Variants in LAMB1 observed in about 807,000 individuals in gnomAD.
LAMB1 encodes the protein laminin subunit beta-1.
In LAMB1, 121 loss-of-function variants were observed where a neutral mutation model predicts 222.3. The ratio of observed to expected loss-of-function variants is 0.54; its 90% confidence interval spans 0.47 to 0.63. The LOEUF (loss-of-function observed/expected upper bound fraction) is 0.63. Ranked by LOEUF, LAMB1 falls within the 30% of genes least tolerant of loss-of-function variation. LAMB1 has a pLI of 0.00. For synonymous variants in LAMB1, 794 were observed against 807.2 expected (o/e 0.98, Z 0.28); for missense variants, 2,172 against 2,240.8 (o/e 0.97, Z 0.62).
chr7:107,963,996 C>T (rs1431725696), intron 14 of LAMB1, among the ~76,000 whole-genome samples: 1 of 152,204 alleles, frequency 6.6e-6, no homozygotes, highest in African/African-American at 2.4e-5. Flanking sequence ...ACTCGGGAAG[C>T]TGAAGCAGGA....
chr7:107,987,969 G>A (rs75521205), intron 5 of LAMB1, among the ~76,000 whole-genome samples: 5,582 of 152,262 alleles, frequency 0.037, 122 homozygotes, highest in African/African-American at 0.039. Context: ...CAAATGAAAT[G>A]ATCAGATTGC....
chr7:107,949,131 G>T (rs926202280), intron 24 of LAMB1, among the ~76,000 whole-genome samples: 3 of 152,160 alleles, frequency 2.0e-5, no homozygotes, highest in African/African-American at 7.2e-5. Flanking sequence ...CTCACTCTTT[G>T]CAGAGTTTCT....
chr7:107,998,079 G>A (rs932205932), intron 4 of LAMB1, among the ~76,000 whole-genome samples: 19 of 152,084 alleles, frequency 1.2e-4, no homozygotes, highest in Non-Finnish European at 2.1e-4. Context: ...GACAGCCCCC[G>A]GCACACAAGT....
Position 108,002,914 on chromosome 7 carries a change from G to A in LAMB1, c.-29C>T, listed in dbSNP as rs1402391899. The A allele has an allele frequency of 1.2e-6, 2 of 1,613,212 alleles. No homozygotes were observed. The highest frequency in any genetic ancestry group is 3.3e-5 in the Admixed American group (2 of 59,998). ...GGCTCCCTGCAGCCACGGGGACGCGGCAGAGGAGTGGAGAAGACGCCCGCC... is the reference window on the plus strand; with the variant it reads ...GGCTCCCTGCAGCCACGGGGACGCGACAGAGGAGTGGAGAAGACGCCCGCC... On this transcript the variant is annotated 5_prime_UTR_variant, in exon 2 of 34. Coordinates refer to ENST00000222399, the MANE Select transcript of LAMB1 (RefSeq NM_002291.3).
At chr7:107,932,511 G>A (rs1407491159) in intron 27 of LAMB1, 134 bp from the exon 28 acceptor site, 1 of 764,016 alleles carries the variant, frequency 1.3e-6, no homozygotes, top group Admixed American at 2.1e-5. Flanking sequence ...ACAGTGTTTG[G>A]GAGACAGAAT....
chr7:107,943,876 G>T (rs936619162), intron 24 of LAMB1, among the ~76,000 whole-genome samples: 1 of 152,200 alleles, frequency 6.6e-6, no homozygotes, highest in African/African-American at 2.4e-5. Flanking sequence ...TTCAAAAGGT[G>T]GAGCTGGAGC....
At chr7:107,978,253 C>A (rs192358205) in intron 8 of LAMB1, 86 bp from the exon 9 acceptor site, 1 of 1,445,064 alleles carries the variant, frequency 6.9e-7, no homozygotes, top group Admixed American at 1.9e-5. Flanking sequence ...AGTTTAAAAC[C>A]CTTTTTCATA....
At position 107,986,025 on chromosome 7, in the gene LAMB1, G is replaced by A. The variant is rs2034069900; in HGVS notation, c.673C>T (p.Gln225Ter). 7 of 1,599,450 alleles carry A rather than the reference G, an allele frequency of 4.4e-6. No individual in the cohort carries two copies. Among genetic ancestry groups the A allele is most frequent in the Non-Finnish European group, 4.3e-6 (5 of 1,166,750 alleles). The change falls in exon 7 of 34, where the codon CAG becomes TAG. Residue 225 changes from glutamine to a stop codon, truncating the protein, a stop_gained. Transcript: ENST00000222399. LOFTEE classifies it high-confidence loss of function. ...TTTTGTTTGAAAATGAACTTACTCT[G>A]TATCCTTGGGCTATAAGGATCTTCT... ...KIEDPYSPRI[Q>*]NLLKITNLRI...
intron 9 of LAMB1, among the ~76,000 whole-genome samples, chr7:107,976,299 C>A (rs527580621): frequency 6.6e-6 from 1 of 152,240 alleles, no homozygotes; most frequent in East Asian, 1.9e-4. Flanking sequence ...TGTCCACGGG[C>A]TCCCTGCTTC....
chr7:107,929,730 A>T, intron 29 of LAMB1, 111 bp from the exon 30 acceptor site: 1 of 787,640 alleles, frequency 1.3e-6, no homozygotes, highest in Non-Finnish European at 2.1e-6. Context: ...TTACACACCA[A>T]GAGACACTAA....
chr7:107,927,383 C>T (rs1168161293), intron 31 of LAMB1, among the ~76,000 whole-genome samples: 1 of 151,258 alleles, frequency 6.6e-6, no homozygotes, highest in African/African-American at 2.4e-5. Flanking sequence ...CAATTATTAA[C>T]TTGCATCATC....
At chr7:107,987,295 G>C (rs1175041119) in intron 5 of LAMB1, among the ~76,000 whole-genome samples, 1 of 152,150 alleles carries the variant, frequency 6.6e-6, no homozygotes, top group Non-Finnish European at 1.5e-5. Context: ...CCAGGGGCTG[G>C]GCAGAGGGAC....
At chr7:107,943,861 T>TA (rs1233262853) in intron 24 of LAMB1, among the ~76,000 whole-genome samples, 2 of 152,166 alleles carry the variant, frequency 1.3e-5, no homozygotes, top group Non-Finnish European at 2.9e-5. Flanking sequence ...GAGAAAGAGA[T>TA]ACCCTTCAAA....
chr7:107,978,591 C>T (rs1349767282), intron 8 of LAMB1, among the ~76,000 whole-genome samples: 2 of 152,048 alleles, frequency 1.3e-5, no homozygotes, highest in Non-Finnish European at 2.9e-5. Context: ...GCACGATTTA[C>T]CACTTAGCCA....
chr7:107,964,598 G>A lies in LAMB1; in HGVS notation c.1652C>T (p.Thr551Ile). 6.2e-7 allele frequency: 1 copy of A among 1,614,160 alleles called. No individual in the cohort carries two copies. The highest frequency in any genetic ancestry group is 8.5e-7 in the Non-Finnish European group (1 of 1,180,038). ...NEVEPGYYFA[T>I]LDHYLYEAEE... ...CGCTTCATAGAGGTAGTGATCCAGG[G>A]TGGCAAAGTAGTAACCAGGTTCCAC... The change falls in exon 14 of 34, where the codon ACC becomes ATC. Residue 551 changes from threonine (T) to isoleucine (I), a missense_variant. Transcript: ENST00000222399.
intron 17 of LAMB1, 129 bp downstream of exon 17, chr7:107,961,077 G>T: frequency 2.0e-6 from 2 of 1,004,060 alleles, no homozygotes; most frequent in Non-Finnish European, 2.9e-6. Context: ...CAAAGTAACC[G>T]TGGAGGCAAG....
rs79493403 is a variant in LAMB1 at position 107,925,542 on chromosome 7, A to G, written c.5064+641T>C. Among the ~76,000 whole-genome samples the G allele has an allele frequency of 3.1e-3, 470 of 152,218 alleles. 17 individuals carry two copies. In the East Asian group the frequency reaches 0.078, roughly 25 times the overall value. The stretch of plus-strand genomic sequence containing the variant: ...AAAAAAGTTGGGGACCAGTGATTCA[A>G]TGGTTTTAAGCCCCACCCCGGCGCC... On this transcript the variant is annotated intron_variant, in intron 32 of 33. Coordinates refer to ENST00000222399, the MANE Select transcript of LAMB1 (RefSeq NM_002291.3).
intron 9 of LAMB1, among the ~76,000 whole-genome samples, chr7:107,977,706 G>C (rs1470646463): frequency 1.3e-5 from 2 of 152,112 alleles, no homozygotes; most frequent in Non-Finnish European, 2.9e-5. Flanking sequence ...TTGAACCTGG[G>C]AGGCAGAGGT....
chr7:107,986,289 G>C lies in LAMB1; in HGVS notation c.498C>G (p.Phe166Leu), dbSNP rs766542299. The C allele has an allele frequency of 3.7e-6, 6 of 1,614,050 alleles. No individual in the cohort carries two copies. The South Asian group carries it at 5.5e-5, about 15-fold the overall frequency. The change falls in exon 6 of 34, where the codon TTC becomes TTG. Residue 166 changes from phenylalanine (F) to leucine (L), a missense_variant. Coordinates refer to ENST00000222399, the MANE Select transcript of LAMB1 (RefSeq NM_002291.3). ...GAAACGAGGCCTCACAGTCATAGGC[G>C]AAGTATCTATACACACCCCAGGTTT... ...FGKTWGVYRY[F>L]AYDCEASFPG...
Sources: gnomAD v4.1 joint callset for allele counts (sites outside exome capture counted in the v4.1 genomes callset) on GRCh38, gnomAD v4.1.1 for gene constraint, MANE v1.5 for transcripts, NCBI Gene and HGNC (gene_info 2026-07-23, HGNC 2026-07-21) for gene names.